Variants in PDE1C observed in about 807,000 individuals in gnomAD.
PDE1C encodes dual specificity calcium/calmodulin-dependent 3',5'-cyclic nucleotide phosphodiesterase 1C.
In PDE1C, 62 loss-of-function variants were observed where a neutral mutation model predicts 93.1. That is an observed-to-expected ratio of 0.67 (90% CI 0.54 to 0.82). The LOEUF is 0.82. Among genes scored for constraint, PDE1C ranks in the 40% least tolerant of loss-of-function variants. The probability of loss-of-function intolerance (pLI) is 0.00; values close to 1 mark genes in which losing one functional copy is unlikely to be tolerated. For synonymous variants in PDE1C, 325 were observed against 310.1 expected, an observed-to-expected ratio of 1.05 and a Z score of -0.50; for missense variants, 742 against 884.6, an observed-to-expected ratio of 0.84 and a Z score of 2.04.
the PDE1C span, among the ~76,000 whole-genome samples, chr7:31,727,101 A>G: frequency 6.6e-6 from 1 of 152,162 alleles, no homozygotes; most frequent in Non-Finnish European, 1.5e-5. Flanking sequence ...ATTTTCTGGC[A>G]GCATCCAATT....
chr7:32,185,482 G>A (rs1803792621), intron 2 of PDE1C, among the ~76,000 whole-genome samples: 2 of 151,868 alleles, frequency 1.3e-5, no homozygotes. Flanking sequence ...TAAAACTCTT[G>A]GAATCCAAAT....
intron 2 of PDE1C, among the ~76,000 whole-genome samples, chr7:32,201,441 G>A (rs1021622359): frequency 6.6e-6 from 1 of 152,186 alleles, no homozygotes; most frequent in African/African-American, 2.4e-5. Context: ...TGTAGCAAGG[G>A]TAAATATTTG....
chr7:32,016,737 T>G (rs1413012374), intron 2 of PDE1C, among the ~76,000 whole-genome samples: 1 of 152,154 alleles, frequency 6.6e-6, no homozygotes, highest in Non-Finnish European at 1.5e-5. Context: ...ATCAATAAAG[T>G]GAATAAAATC....
chr7:31,627,991 A>G, the PDE1C span, among the ~76,000 whole-genome samples: 1 of 152,208 alleles, frequency 6.6e-6, no homozygotes, highest in Non-Finnish European at 1.5e-5. Flanking sequence ...CAAGGAACCA[A>G]CAAGAAATGT....
chr7:32,173,691 T>A (rs1232820100), intron 2 of PDE1C, among the ~76,000 whole-genome samples: 1 of 152,094 alleles, frequency 6.6e-6, no homozygotes, highest in East Asian at 1.9e-4. Flanking sequence ...GCACATGGGA[T>A]AGGCAGATAG....
chr7:32,223,995 C>A (rs2128856500), intron 1 of PDE1C, among the ~76,000 whole-genome samples: 1 of 152,334 alleles, frequency 6.6e-6, no homozygotes, highest in Non-Finnish European at 1.5e-5. Flanking sequence ...TGAGCTGCTC[C>A]ACCTGCGGCC....
intron 5 of PDE1C, among the ~76,000 whole-genome samples, chr7:31,877,208 A>C (rs922480948): frequency 2.0e-5 from 3 of 152,206 alleles, no homozygotes; most frequent in African/African-American, 4.8e-5. Flanking sequence ...TGGAATCCAG[A>C]AGCCAAATCA....
intron 1 of PDE1C, among the ~76,000 whole-genome samples, chr7:32,254,030 A>G (rs1278322008): frequency 6.6e-6 from 1 of 152,194 alleles, no homozygotes; most frequent in Admixed American, 6.5e-5. Flanking sequence ...GAAATGGAAG[A>G]AGGCAGGACA....
the PDE1C span, among the ~76,000 whole-genome samples, chr7:31,716,045 G>A: frequency 6.6e-5 from 10 of 152,124 alleles, no homozygotes; most frequent in African/African-American, 9.7e-5. Flanking sequence ...GACCAACTGC[G>A]TGCCTCATTG....
At chr7:31,690,901 T>G in the PDE1C span, among the ~76,000 whole-genome samples, 1 of 152,172 alleles carries the variant, frequency 6.6e-6, no homozygotes, top group East Asian at 1.9e-4. Flanking sequence ...TGGGGTAATT[T>G]TCAACATAAT....
the PDE1C span, among the ~76,000 whole-genome samples, chr7:31,660,677 T>G: frequency 6.6e-6 from 1 of 152,188 alleles, no homozygotes; most frequent in Non-Finnish European, 1.5e-5. Context: ...TTTTCCATTC[T>G]TCTGATATCT....
chr7:31,654,309 G>C, the PDE1C span, among the ~76,000 whole-genome samples: 1 of 152,174 alleles, frequency 6.6e-6, no homozygotes, highest in African/African-American at 2.4e-5. Flanking sequence ...CCCAGATGTA[G>C]AGATAGCCAG....
chr7:32,254,730 C>T (rs1031722931), intron 1 of PDE1C, among the ~76,000 whole-genome samples: 2 of 152,014 alleles, frequency 1.3e-5, no homozygotes, highest in Non-Finnish European at 2.9e-5. Context: ...TACACACATG[C>T]CCAAGTGAGA....
intron 1 of PDE1C, among the ~76,000 whole-genome samples, chr7:32,287,838 T>TAGGAATCTGCACAGGAAA (rs1812089987): frequency 6.6e-6 from 1 of 152,146 alleles, no homozygotes; most frequent in Admixed American, 6.5e-5. Context: ...GACGTGAGGG[T>TAGGAATCTGCACAGGAAA]AGGAATCTGC....
chr7:32,169,449 A>G (rs1802508316), intron 3 of PDE1C, among the ~76,000 whole-genome samples: 1 of 152,200 alleles, frequency 6.6e-6, no homozygotes, highest in Non-Finnish European at 1.5e-5. Flanking sequence ...CTTTTTCTCT[A>G]TGCCCTTATC....
At chr7:31,963,182 G>A (rs1044635201) in intron 2 of PDE1C, among the ~76,000 whole-genome samples, 1 of 151,934 alleles carries the variant, frequency 6.6e-6, no homozygotes, top group African/African-American at 2.4e-5. Context: ...ATTATCATAT[G>A]CCAGGCACTC....
At chr7:32,039,027 G>GGCC (rs1791478059) in intron 2 of PDE1C, among the ~76,000 whole-genome samples, 1 of 151,948 alleles carries the variant, frequency 6.6e-6, no homozygotes, top group Admixed American at 6.6e-5. Flanking sequence ...TGTGCTCATG[G>GGCC]GCCACCACCA....
chr7:31,781,430 A>G (rs1783403945), intron 16 of PDE1C, among the ~76,000 whole-genome samples: 1 of 148,608 alleles, frequency 6.7e-6, no homozygotes. Context: ...GCCATTTTCA[A>G]TTTCTCTGTT....
intron 2 of PDE1C, among the ~76,000 whole-genome samples, chr7:32,009,488 T>G (rs1429343020): frequency 6.6e-6 from 1 of 152,166 alleles, no homozygotes. Flanking sequence ...AACATCTGAG[T>G]GAGTAGTTAT....
Sources: allele counts gnomAD v4.1 joint callset (sites outside exome capture counted in the v4.1 genomes callset), GRCh38; gene constraint gnomAD v4.1.1; transcripts MANE v1.5; gene names NCBI Gene and HGNC (gene_info 2026-07-23, HGNC 2026-07-21).